CELF4: variants seen among roughly 807,000 people sequenced by gnomAD.
CELF4 encodes the protein CUGBP Elav-like family member 4, also known as CUG-BP- and ETR-3-like factor 4.
Under a neutral mutation model 59.9 loss-of-function variants are expected in CELF4, and 18 were observed. The ratio of observed to expected loss-of-function variants is 0.30; its 90% CI spans 0.21 to 0.45. The LOEUF is 0.45. Among genes scored for constraint, CELF4 ranks in the 20% least tolerant of loss-of-function variants. CELF4 has a pLI of 1.00. For synonymous variants in CELF4, 261 were observed against 267.1 expected (o/e 0.98, Z 0.22); for missense variants, 456 against 689.0 (o/e 0.66, Z 3.79).
intron 2 of CELF4, among the ~76,000 whole-genome samples, chr18:37,472,124 T>C (rs1024307628): frequency 6.6e-6 from 1 of 152,178 alleles, no homozygotes; most frequent in Non-Finnish European, 1.5e-5. Flanking sequence ...AGGCCTCATG[T>C]GGGGGATTGT....
At chr18:37,326,091 G>A (rs903751150) in intron 2 of CELF4, among the ~76,000 whole-genome samples, 1 of 152,180 alleles carries the variant, frequency 6.6e-6, no homozygotes, top group Non-Finnish European at 1.5e-5. Context: ...GAGGAGGATG[G>A]AGCACATCTG....
At chr18:37,262,005 A>G (rs2074837728) in intron 10 of CELF4, among the ~76,000 whole-genome samples, 1 of 152,064 alleles carries the variant, frequency 6.6e-6, no homozygotes, top group African/African-American at 2.4e-5. Flanking sequence ...GGCTTTGGCC[A>G]GGCTCCAGCC....
At chr18:37,323,203 G>C (rs11081998) in intron 2 of CELF4, among the ~76,000 whole-genome samples, 32,013 of 151,910 alleles carry the variant, frequency 0.21, 3,411 homozygotes, top group Non-Finnish European at 0.22. Context: ...AGAGATGGGA[G>C]GCAGGACGCA....
Position 37,254,059 on chromosome 18 carries a change from G to T in CELF4, c.1334-121C>A. ...CCTGAGGCTCTCCCCCTCGGGCCCC[G>T]CCCCCGGCCCCGCCCCGGTGCCCGC... On this transcript the variant is annotated intron_variant, in intron 11 of 12. Transcript: ENST00000420428. The surrounding 1 kb of genome is among the most constrained non-coding windows in gnomAD (Gnocchi z 5.1). 1.5e-6 allele frequency: 1 copy of T among 661,734 alleles called. No homozygotes were observed. The highest frequency in any genetic ancestry group is 2.0e-6 in the Non-Finnish European group (1 of 490,298). The allele number at this position is 661,734 out of a possible 1,614,324, so 41.0% of individuals were successfully genotyped here.
intron 1 of CELF4, among the ~76,000 whole-genome samples, chr18:37,551,850 C>A (rs2099983290): frequency 6.6e-6 from 1 of 152,210 alleles, no homozygotes; most frequent in Non-Finnish European, 1.5e-5. Context: ...CCCACCCACC[C>A]ATGACTGATT....
At chr18:37,332,378 G>A (rs530304480) in intron 2 of CELF4, among the ~76,000 whole-genome samples, 73 of 152,172 alleles carry the variant, frequency 4.8e-4, no homozygotes, top group Non-Finnish European at 7.2e-4. Context: ...AAATATGCCC[G>A]GGCAGTTGCT....
At chr18:37,429,067 T>G (rs763496106) in intron 2 of CELF4, among the ~76,000 whole-genome samples, 5 of 152,196 alleles carry the variant, frequency 3.3e-5, no homozygotes, top group Non-Finnish European at 7.3e-5. Flanking sequence ...CTGCCGTATC[T>G]TGGTGAGGGA....
At chr18:37,275,355 C>G in intron 3 of CELF4, 112 bp from the exon 4 acceptor site, 52 of 255,492 alleles carry the variant, frequency 2.0e-4, no homozygotes, top group South Asian at 1.2e-3. Context: ...GGAGGCGGGG[C>G]GGGGGCTCGG....
At chr18:37,287,704 T>C (rs968193325) in intron 3 of CELF4, among the ~76,000 whole-genome samples, 9 of 152,152 alleles carry the variant, frequency 5.9e-5, no homozygotes, top group Admixed American at 2.0e-4. Context: ...CCCAAGGAAC[T>C]CAGAGGGCCC....
At chr18:37,292,442 T>C (rs2095399581) in intron 3 of CELF4, among the ~76,000 whole-genome samples, 1 of 152,124 alleles carries the variant, frequency 6.6e-6, no homozygotes, top group Non-Finnish European at 1.5e-5. Context: ...GGCCCTTAAA[T>C]CGCCCCACAG....
intron 2 of CELF4, among the ~76,000 whole-genome samples, chr18:37,419,700 G>C (rs2099559346): frequency 6.6e-6 from 1 of 152,210 alleles, no homozygotes; most frequent in South Asian, 2.1e-4. Context: ...AAACCCTCAG[G>C]GACGCCCTCC....
At chr18:37,340,720 T>G (rs1447399536) in intron 2 of CELF4, among the ~76,000 whole-genome samples, 1 of 152,182 alleles carries the variant, frequency 6.6e-6, no homozygotes, top group Non-Finnish European at 1.5e-5. Context: ...AGAAGTCTTA[T>G]TTTTGAAGAA....
intron 1 of CELF4, among the ~76,000 whole-genome samples, chr18:37,539,565 A>T (rs1194454161): frequency 1.3e-5 from 2 of 152,132 alleles, no homozygotes; most frequent in Non-Finnish European, 2.9e-5. Flanking sequence ...TGCGTGTGTG[A>T]ACATTCCAGT....
intron 2 of CELF4, among the ~76,000 whole-genome samples, chr18:37,421,281 C>T (rs1212690144): frequency 6.6e-6 from 1 of 152,240 alleles, no homozygotes; most frequent in African/African-American, 2.4e-5. Context: ...GAACACAGGG[C>T]TCCCAGCTCC....
At chr18:37,449,517 T>C (rs961045044) in intron 2 of CELF4, among the ~76,000 whole-genome samples, 1 of 152,198 alleles carries the variant, frequency 6.6e-6, no homozygotes, top group Admixed American at 6.5e-5. Context: ...TGACAGGCCC[T>C]GTTCCAGATC....
At chr18:37,436,253 C>T (rs1167171327) in intron 2 of CELF4, among the ~76,000 whole-genome samples, 1 of 152,174 alleles carries the variant, frequency 6.6e-6, no homozygotes, top group Non-Finnish European at 1.5e-5. Flanking sequence ...TTGTTTAAGA[C>T]GGTAACCACG....
intron 6 of CELF4, chr18:37,273,734 G>A: frequency 1.0e-6 from 1 of 987,778 alleles, no homozygotes; most frequent in South Asian, 4.7e-5. Flanking sequence ...ACCGTGGCCT[G>A]CCTCAGTGCC....
At chr18:37,405,794 G>T (rs1034038748) in intron 2 of CELF4, among the ~76,000 whole-genome samples, 8 of 152,142 alleles carry the variant, frequency 5.3e-5, no homozygotes, top group Non-Finnish European at 8.8e-5. Context: ...AGATATTAGT[G>T]GGGGAGGTCC....
rs1189520874 is a variant in CELF4 at position 37,382,450 on chromosome 18, G to C, written c.370-60569C>G. 2.6e-5 allele frequency among the ~76,000 whole-genome samples: 4 copies of C among 152,188 alleles called. No individual in the cohort carries two copies. In the East Asian group the frequency reaches 7.7e-4, roughly 29 times the overall value. On this transcript the variant is annotated intron_variant, in intron 2 of 12. Coordinates refer to ENST00000420428, the MANE Select transcript of CELF4 (RefSeq NM_020180.4). ...CCAAACCAGGCTCTGTCTTAGGTAC[G>C]ATGATCCCAGACCAGGGGCTCCTCC... is the stretch of plus-strand genomic sequence containing the variant.
Sources: allele counts gnomAD v4.1 joint callset (sites outside exome capture counted in the v4.1 genomes callset), GRCh38; gene constraint gnomAD v4.1.1; non-coding constraint Gnocchi (gnomAD v3.1); transcripts MANE v1.5; gene names NCBI Gene and HGNC (gene_info 2026-07-23, HGNC 2026-07-21).